The following MAP2K6 variants were observed in gnomAD, a reference collection of about 807,000 sequenced individuals.
MAP2K6 encodes dual specificity mitogen-activated protein kinase kinase 6.
A neutral mutation model predicts 53.7 loss-of-function variants in MAP2K6; 16 were observed. The ratio of observed to expected loss-of-function variants is 0.30; its 90% CI spans 0.20 to 0.45. The LOEUF (loss-of-function observed/expected upper bound fraction) is 0.45, where lower values mean the gene tolerates loss of function less well. MAP2K6 is among the 20% of genes least tolerant of loss of function. The pLI is 1.00. For synonymous variants in MAP2K6, 132 were observed against 143.1 expected (o/e 0.92, Z 0.55); for missense variants, 204 against 411.9 (o/e 0.50, Z 4.37).
intron 1 of MAP2K6, among the ~76,000 whole-genome samples, chr17:69,440,021 A>G (rs753427053): frequency 1.3e-5 from 2 of 152,182 alleles, no homozygotes; most frequent in African/African-American, 2.4e-5. Flanking sequence ...ATAGTTGGAA[A>G]GAATCTGAAT....
intron 10 of MAP2K6, among the ~76,000 whole-genome samples, chr17:69,533,731 G>GTTTTTTTTTTTTTTTTTTTTTTTTT (rs199915836): frequency 8.7e-6 from 1 of 114,986 alleles, no homozygotes; most frequent in Non-Finnish European, 1.8e-5. Context: ...CTTCTAGCCT[G>GTTTTTTTTTTTTTTTTTTTTTTTTT]TTTGTTTTTT....
At chr17:69,501,456 A>G (rs1909171795) in intron 1 of MAP2K6, among the ~76,000 whole-genome samples, 1 of 152,196 alleles carries the variant, frequency 6.6e-6, no homozygotes, top group Non-Finnish European at 1.5e-5. Flanking sequence ...AAAGCTAGCG[A>G]ACATTTCTGT....
At chr17:69,428,124 C>T (rs1442084147) in intron 1 of MAP2K6, among the ~76,000 whole-genome samples, 1 of 152,150 alleles carries the variant, frequency 6.6e-6, no homozygotes, top group Admixed American at 6.5e-5. Flanking sequence ...CTCTTACTAC[C>T]CTCAAGAAGC....
In MAP2K6 at chr17:69,421,651, G is replaced by A. The variant is rs533383257; in HGVS notation, c.16+6651G>A. Among the ~76,000 whole-genome samples, 3 of 151,770 alleles carry A rather than the reference G, an allele frequency of 2.0e-5. No individual in the cohort carries two copies. The East Asian group carries it at 5.8e-4, about 29-fold the overall frequency. On this transcript the variant is annotated intron_variant, in intron 1 of 11. Transcript: ENST00000590474. ...CCTCCTGGGTTCACGCCATTCTCCT[G>A]CCTCAGCCTCCGGAGTAGCTGGGAT...
intron 2 of MAP2K6, among the ~76,000 whole-genome samples, chr17:69,513,345 T>C (rs1217643287): frequency 1.3e-5 from 2 of 152,248 alleles, no homozygotes; most frequent in African/African-American, 4.8e-5. Context: ...CCCAGTTTTT[T>C]ATATTTCCTT....
chr17:69,483,277 T>C (rs1430355552), intron 1 of MAP2K6, among the ~76,000 whole-genome samples: 1 of 152,018 alleles, frequency 6.6e-6, no homozygotes. Context: ...AAGATTAACA[T>C]ACAAAAATCA....
At position 69,520,328 on chromosome 17, in the gene MAP2K6, A is replaced by G; in HGVS notation, c.425A>G (p.Gln142Arg). The G allele has an allele frequency of 6.2e-7, 1 of 1,613,194 alleles. No homozygotes were observed. The highest frequency in any genetic ancestry group is 8.5e-7 in the Non-Finnish European group (1 of 1,179,664). The change falls in exon 6 of 12, where the codon CAA becomes CGA. Residue 142 changes from glutamine (Q) to arginine (R), a missense_variant. Gln to Arg is a conservative substitution (Grantham distance 43, BLOSUM62 1). Transcript: ENST00000590474. Reference sequence around the variant, plus strand: ...ACATCACTAGATAAATTCTACAAACAAGTTATTGATAAAGGCCAGACAATT... The same window carrying G: ...ACATCACTAGATAAATTCTACAAACGAGTTATTGATAAAGGCCAGACAATT... Reference protein sequence around the residue: ...MDTSLDKFYKQVIDKGQTIPE... With the variant: ...MDTSLDKFYKRVIDKGQTIPE...
At position 69,553,234 on chromosome 17, in the gene MAP2K6, T is replaced by C. The variant is rs990917167; in HGVS notation, c.*11481T>C. ...GTATGTAGGTCATTCTGTGGTGGGATTTCCCATCACATCTAGTAAAAAACA... is the reference window on the plus strand; with the variant it reads ...GTATGTAGGTCATTCTGTGGTGGGACTTCCCATCACATCTAGTAAAAAACA... On this transcript the variant is annotated 3_prime_UTR_variant, in exon 12 of 12. Transcript: ENST00000590474. The C allele has an allele frequency of 1.1e-4, 16 of 152,316 alleles. No individual in the cohort carries two copies. The highest frequency in any genetic ancestry group is 3.3e-4 in the Admixed American group (5 of 15,304). 9.4% of individuals were successfully genotyped at this position (152,316 alleles called of 1,614,324 possible).
chr17:69,463,703 A>G (rs1312684214), intron 1 of MAP2K6, among the ~76,000 whole-genome samples: 1 of 151,812 alleles, frequency 6.6e-6, no homozygotes, highest in Non-Finnish European at 1.5e-5. Flanking sequence ...TATACACACA[A>G]ATACATATAT....
intron 2 of MAP2K6, among the ~76,000 whole-genome samples, chr17:69,508,432 A>G (rs976887030): frequency 2.0e-5 from 3 of 151,546 alleles, no homozygotes; most frequent in African/African-American, 4.9e-5. Flanking sequence ...TTAGGTGTTT[A>G]TTTTCCATCT....
chr17:69,506,719 T>C (rs1909506345), intron 2 of MAP2K6, among the ~76,000 whole-genome samples: 1 of 152,208 alleles, frequency 6.6e-6, no homozygotes, highest in Non-Finnish European at 1.5e-5. Context: ...TTAAATGGGA[T>C]CATGTCTGCT....
chr17:69,488,939 G>A (rs1308164789), intron 1 of MAP2K6, among the ~76,000 whole-genome samples: 2 of 152,114 alleles, frequency 1.3e-5, no homozygotes, highest in African/African-American at 2.4e-5. Flanking sequence ...AATAAAATAA[G>A]GCTGAGTGTG....
chr17:69,511,275 G>A lies in MAP2K6; in HGVS notation c.83+5429G>A, dbSNP rs554390520. Among the ~76,000 whole-genome samples the A allele has an allele frequency of 2.6e-5, 4 of 152,160 alleles. No homozygotes were observed. The South Asian group carries it at 6.2e-4, about 24-fold the overall frequency. ...ATACCGCTGTAGCTCAAAGAGTCTC[G>A]TTGTTATTACTTTAATGCCAAGGCT... On this transcript the variant is annotated intron_variant, in intron 2 of 11. Transcript: ENST00000590474.
intron 1 of MAP2K6, among the ~76,000 whole-genome samples, chr17:69,416,655 C>G: frequency 6.9e-6 from 1 of 144,834 alleles, no homozygotes; most frequent in Admixed American, 6.9e-5. Context: ...TAGGGACACA[C>G]AAAAATATTT....
chr17:69,515,348 G>A (rs578221345), intron 2 of MAP2K6, among the ~76,000 whole-genome samples: 76 of 151,914 alleles, frequency 5.0e-4, no homozygotes, highest in Middle Eastern at 3.4e-3. Context: ...GTAGAGATGG[G>A]GTTTCACCAC....
At chr17:69,418,534 T>A (rs1222242293) in intron 1 of MAP2K6, among the ~76,000 whole-genome samples, 1 of 152,226 alleles carries the variant, frequency 6.6e-6, no homozygotes, top group Non-Finnish European at 1.5e-5. Context: ...TTGGACTTTT[T>A]TTTTCTATCT....
intron 9 of MAP2K6, 49 bp from the exon 10 acceptor site, chr17:69,526,520 TA>T: frequency 1.3e-6 from 2 of 1,593,720 alleles, no homozygotes; most frequent in Non-Finnish European, 1.7e-6. Context: ...GGTGATTCCC[TA>T]AAGCAGCCCT....
chr17:69,534,977 T>C, intron 10 of MAP2K6, among the ~76,000 whole-genome samples: 1 of 151,892 alleles, frequency 6.6e-6, no homozygotes, highest in Non-Finnish European at 1.5e-5. Flanking sequence ...TCTTTCTTTT[T>C]CTTTTTTTTT....
Position 69,541,734 on chromosome 17 carries a change from A to C in MAP2K6, c.986A>C (p.Lys329Thr). 2 of 1,612,626 alleles carry C rather than the reference A, an allele frequency of 1.2e-6. No homozygotes were observed. The highest frequency in any genetic ancestry group is 1.7e-6 in the Non-Finnish European group (2 of 1,179,008). Residue 329 changes from lysine to threonine, a missense_variant, in exon 12 of 12, where the codon AAA (lysine) becomes ACA (threonine). Lys to Thr is a moderately conservative substitution (Grantham distance 78). This residue lies in a region of MAP2K6 where 47 missense variants were observed against 62.3 expected (regional missense o/e 0.75). Coordinates refer to ENST00000590474, the MANE Select transcript of MAP2K6 (RefSeq NM_002758.4). ...SKGTDVASFV[K>T]LILGD ...GGAACAGATGTGGCATCTTTTGTAA[A>C]ACTGATTCTTGGAGACTAAAAAGCA...
Sources: gnomAD v4.1 joint callset for allele counts (sites outside exome capture counted in the v4.1 genomes callset) on GRCh38, gnomAD v4.1.1 for gene constraint, gnomAD v4.1.1 regional missense constraint, MANE v1.5 for transcripts, NCBI Gene and HGNC (gene_info 2026-07-23, HGNC 2026-07-21) for gene names.